Variants in POC1A observed in about 807,000 individuals in gnomAD.
POC1A encodes the protein POC1 centriolar protein homolog A.
In POC1A, 34 loss-of-function variants were observed where a neutral mutation model predicts 47.8. That is an observed-to-expected ratio of 0.71 (90% CI 0.54 to 0.95). The LOEUF is 0.95. POC1A is among the 40% of genes least tolerant of loss of function. The pLI, the probability that POC1A is intolerant of heterozygous loss-of-function variation, is 0.00. For synonymous variants in POC1A, 177 were observed against 207.6 expected (o/e 0.85, Z 1.27); for missense variants, 466 against 528.3 (o/e 0.88, Z 1.16).
intron 4 of POC1A, among the ~76,000 whole-genome samples, chr3:52,148,813 C>T (rs1041015736): frequency 6.6e-6 from 1 of 152,268 alleles, no homozygotes; most frequent in Non-Finnish European, 1.5e-5. Flanking sequence ...GCCCCCATTT[C>T]CTCATCTGCA....
rs755240917 is a variant in POC1A at position 52,102,208 on chromosome 3, A to G, written c.982-5496T>C. 1.4e-4 allele frequency among the ~76,000 whole-genome samples: 22 copies of G among 152,318 alleles called. 1 individual carries two copies. In the Middle Eastern group the frequency reaches 0.01, roughly 71 times the overall value. ...AAAATTCTTGGCCATTATCTTTTCA[A>G]TAGCACCAAAACAACATGAAGTATA... On this transcript the variant is annotated intron_variant, in intron 9 of 10. Transcript: ENST00000296484.
chr3:52,129,168 A>G (rs1027157717), intron 7 of POC1A, among the ~76,000 whole-genome samples: 1 of 152,044 alleles, frequency 6.6e-6, no homozygotes, highest in Non-Finnish European at 1.5e-5. Context: ...AATCCCAGCT[A>G]CTCGAGAGGC....
At chr3:52,097,215 G>A (rs1702847758) in intron 9 of POC1A, among the ~76,000 whole-genome samples, 1 of 152,268 alleles carries the variant, frequency 6.6e-6, no homozygotes, top group African/African-American at 2.4e-5. Flanking sequence ...CCAAGAAGCT[G>A]TGGCCCAGAA....
intron 6 of POC1A, among the ~76,000 whole-genome samples, chr3:52,139,561 C>G (rs370923260): frequency 4.6e-5 from 7 of 152,174 alleles, no homozygotes; most frequent in African/African-American, 1.4e-4. Flanking sequence ...GGAAGCCTCC[C>G]CTGGCCTCCC....
At chr3:52,118,532 G>A (rs770930327) in intron 9 of POC1A, among the ~76,000 whole-genome samples, 5 of 152,210 alleles carry the variant, frequency 3.3e-5, no homozygotes, top group Non-Finnish European at 7.3e-5. Context: ...TGCAGTCAGA[G>A]AAAGGGTCAT....
At chr3:52,119,606 G>C (rs1703695584) in intron 9 of POC1A, among the ~76,000 whole-genome samples, 1 of 152,082 alleles carries the variant, frequency 6.6e-6, no homozygotes, top group Admixed American at 6.5e-5. Context: ...GTGTTGACCA[G>C]GCTGGTCTTG....
intron 9 of POC1A, among the ~76,000 whole-genome samples, chr3:52,107,181 G>C (rs939583492): frequency 7.9e-5 from 12 of 152,256 alleles, no homozygotes; most frequent in African/African-American, 2.9e-4. Context: ...GGTTCAGAGC[G>C]GGCTGGAAAA....
intron 7 of POC1A, among the ~76,000 whole-genome samples, chr3:52,135,429 G>A (rs1704414007): frequency 6.6e-6 from 1 of 152,188 alleles, no homozygotes; most frequent in Non-Finnish European, 1.5e-5. Context: ...TGTCACCCAG[G>A]CTGGAGTACA....
At chr3:52,129,262 G>A (rs1704124129) in intron 7 of POC1A, among the ~76,000 whole-genome samples, 1 of 152,194 alleles carries the variant, frequency 6.6e-6, no homozygotes, top group South Asian at 2.1e-4. Flanking sequence ...CTGGGCGACA[G>A]AGCGAGACTC....
chr3:52,092,573 G>A (rs1429627128), intron 10 of POC1A, among the ~76,000 whole-genome samples: 1 of 152,112 alleles, frequency 6.6e-6, no homozygotes, highest in African/African-American at 2.4e-5. Flanking sequence ...GGAAGTCCTT[G>A]GAAAGTGGCA....
At chr3:52,082,363 C>A (rs1217469851) in intron 10 of POC1A, among the ~76,000 whole-genome samples, 22 of 152,188 alleles carry the variant, frequency 1.4e-4, no homozygotes, top group Admixed American at 1.4e-3. Flanking sequence ...GGTGACCCAA[C>A]AGGGAGGATG....
chr3:52,141,836 GAA>G (rs61144900), intron 6 of POC1A, among the ~76,000 whole-genome samples: 1 of 143,962 alleles, frequency 6.9e-6, no homozygotes. Flanking sequence ...CTCTGAAAGA[GAA>G]AAAAAAAAAG....
At chr3:52,132,646 G>A (rs1704262343) in intron 7 of POC1A, among the ~76,000 whole-genome samples, 1 of 152,188 alleles carries the variant, frequency 6.6e-6, no homozygotes, top group Non-Finnish European at 1.5e-5. Context: ...AGCCAGGACT[G>A]CAGGAGAGAA....
intron 9 of POC1A, among the ~76,000 whole-genome samples, chr3:52,114,368 G>T (rs765788553): frequency 2.6e-5 from 4 of 152,188 alleles, no homozygotes; most frequent in African/African-American, 7.2e-5. Context: ...GTCTGCAGGG[G>T]GATTACATGA....
At chr3:52,120,701 C>G (rs1438860782) in intron 9 of POC1A, among the ~76,000 whole-genome samples, 1 of 152,182 alleles carries the variant, frequency 6.6e-6, no homozygotes, top group Non-Finnish European at 1.5e-5. Flanking sequence ...GACTACAACT[C>G]CAACGTGAGT....
At position 52,075,811 on chromosome 3, in the gene POC1A, T is replaced by C. The variant is rs1230616374; in HGVS notation, c.*76A>G. On this transcript the variant is annotated 3_prime_UTR_variant, in exon 11 of 11. Coordinates refer to ENST00000296484, the MANE Select transcript of POC1A (RefSeq NM_015426.5). ...TCCCACAGAGTTCAGTCCCCTTTAT[T>C]TACCCAAGTCCCATGGTACAAATCC... 2.9e-5 allele frequency: 31 copies of C among 1,084,424 alleles called. No individual in the cohort carries two copies. The highest frequency in any genetic ancestry group is 4.4e-5 in the Non-Finnish European group (31 of 703,208). The allele number at this position is 1,084,424 out of a possible 1,614,324, so 67.2% of individuals were successfully genotyped here. A position where few individuals can be genotyped will look rare whatever the true frequency, so the allele number is the denominator to read the frequency against.
At chr3:52,144,531 C>A (rs963098563) in intron 6 of POC1A, among the ~76,000 whole-genome samples, 4 of 152,162 alleles carry the variant, frequency 2.6e-5, no homozygotes, top group African/African-American at 9.7e-5. Flanking sequence ...CAGACAGGAC[C>A]AAGACAGTGT....
rs771404938 is a variant in POC1A at position 52,149,341 on chromosome 3, A to T, written c.324T>A (p.Ser108Arg). ...VFRAHTATVR[S>R]VHFCSDGQSF... is the part of the protein sequence containing the mutation. Reference sequence around the variant, plus strand: ...ACTGGCCATCACTGCAGAAGTGGACACTCCTCACTGTGGCTGTGTGTGCAC... The same window carrying T: ...ACTGGCCATCACTGCAGAAGTGGACTCTCCTCACTGTGGCTGTGTGTGCAC... Residue 108 changes from serine (S) to arginine (R), a missense_variant, in exon 4 of 11, where the codon AGT becomes AGA. Physicochemically the swap from Ser to Arg is moderately radical, Grantham distance 110. Coordinates refer to ENST00000296484, the MANE Select transcript of POC1A (RefSeq NM_015426.5). The T allele has an allele frequency of 1.2e-6, 2 of 1,613,766 alleles. No homozygotes were observed. Among genetic ancestry groups the T allele is most frequent in the African/African-American group, 2.7e-5 (2 of 74,798 alleles).
At chr3:52,089,162 A>G (rs144967919) in intron 10 of POC1A, among the ~76,000 whole-genome samples, 93 of 152,028 alleles carry the variant, frequency 6.1e-4, no homozygotes, top group African/African-American at 2.2e-3. Flanking sequence ...CGCAGGCTGC[A>G]TGTCACGAAG....
Sources: gnomAD v4.1 joint callset for allele counts (sites outside exome capture counted in the v4.1 genomes callset) on GRCh38, gnomAD v4.1.1 for gene constraint, MANE v1.5 for transcripts, NCBI Gene and HGNC (gene_info 2026-07-23, HGNC 2026-07-21) for gene names.